Variants in SLC4A3 observed in about 807,000 individuals in gnomAD.
The protein encoded by SLC4A3 is solute carrier family 4 member 3.
In SLC4A3, 47 loss-of-function variants were observed where a neutral mutation model predicts 114.2. That is an observed-to-expected ratio of 0.41 (90% CI 0.33 to 0.52). The LOEUF is 0.52. Ranked by LOEUF, SLC4A3 falls within the 20% of genes least tolerant of loss-of-function variation. The pLI is 0.21. For synonymous variants in SLC4A3, 693 were observed against 710.3 expected (o/e 0.98, Z 0.39); for missense variants, 1,312 against 1,668.3 (o/e 0.79, Z 3.72).
At position 219,628,402 on chromosome 2, in the gene SLC4A3, C is replaced by T; in HGVS notation, c.52-3C>T. The T allele has an allele frequency of 6.2e-7, 1 of 1,607,802 alleles. No individual in the cohort carries two copies. Among genetic ancestry groups the T allele is most frequent in the Non-Finnish European group, 8.5e-7 (1 of 1,177,714 alleles). Reference sequence around the variant, plus strand: ...CCTTAGCAGAGGCCGTCTGGGCCTGCAGGTCCGGGTGCCCTTGGAGGAGCC... The same window carrying T: ...CCTTAGCAGAGGCCGTCTGGGCCTGTAGGTCCGGGTGCCCTTGGAGGAGCC... On this transcript the variant is annotated splice_polypyrimidine_tract_variant and splice_region_variant and intron_variant, in intron 2 of 22. Coordinates refer to ENST00000358055, the MANE Select transcript of SLC4A3 (RefSeq NM_005070.4). This position sits in a 1 kb window ranked among gnomAD's most constrained non-coding sequence, Gnocchi z 4.8.
chr2:219,630,195 G>A lies in SLC4A3; in HGVS notation c.654G>A (p.Glu218=). Residue 218 remains glutamate, a synonymous_variant, in exon 6 of 23, where the codon GAG becomes GAA. Transcript: ENST00000358055. This position sits in a 1 kb window ranked among gnomAD's most constrained non-coding sequence, Gnocchi z 6.9. ...CCCGGGCCTCCCGACTCGCTGGGGA[G>A]AAAAGCCGGCCCTGGAGCCCATCGG... ...PRARASRLAG[E]KSRPWSPSAS... 1 of 1,612,828 alleles carries A rather than the reference G, an allele frequency of 6.2e-7. No individual in the cohort carries two copies. The highest frequency in any genetic ancestry group is 8.5e-7 in the Non-Finnish European group (1 of 1,179,630).
chr2:219,630,282 A>G lies in SLC4A3; in HGVS notation c.741A>G (p.Pro247=), dbSNP rs774375857. 3 of 1,613,410 alleles carry G rather than the reference A, an allele frequency of 1.9e-6. No homozygotes were observed. Among genetic ancestry groups the G allele is most frequent in the African/African-American group, 1.3e-5 (1 of 75,046 alleles). Reference sequence around the variant, plus strand: ...GTGCCCTGGGCAACCCAGGTGGTCCAGAGCAGCAGGTGCCCACAGATGAGG... The same window carrying G: ...GTGCCCTGGGCAACCCAGGTGGTCCGGAGCAGCAGGTGCCCACAGATGAGG... ...PGSALGNPGG[P]EQQVPTDEAE... Residue 247 remains proline (P), a synonymous_variant, in exon 6 of 23, where the codon CCA becomes CCG. Transcript: ENST00000358055. The surrounding 1 kb of genome is among the most constrained non-coding windows in gnomAD (Gnocchi z 6.9).
chr2:219,635,252 G>A lies in SLC4A3; in HGVS notation c.1747-19G>A. 1 of 1,607,716 alleles carries A rather than the reference G, an allele frequency of 6.2e-7. No individual in the cohort carries two copies. Among genetic ancestry groups the A allele is most frequent in the African/African-American group, 1.3e-5 (1 of 74,912 alleles). On this transcript the variant is annotated intron_variant, in intron 12 of 22. Transcript: ENST00000358055. ...CCCTTGGCTGTCCCTGAGGGTCCTGGCCCTCTCATTGCCCCCAGCTGTTTC... is the reference window on the plus strand; with the variant it reads ...CCCTTGGCTGTCCCTGAGGGTCCTGACCCTCTCATTGCCCCCAGCTGTTTC...
Position 219,639,605 on chromosome 2 carries a change from C to T in SLC4A3, c.3147C>T (p.Ala1049=). The T allele has an allele frequency of 6.2e-7, 1 of 1,614,050 alleles. No individual in the cohort carries two copies. The highest frequency in any genetic ancestry group is 8.5e-7 in the Non-Finnish European group (1 of 1,180,028). ...TTGGGTTGCCCTGGCTCACGGCTGC[C>T]ACGGTCCGCTCCGTCACCCATGTCA... ...GLFGLPWLTA[A]TVRSVTHVNA... Residue 1049 remains alanine, a synonymous_variant, in exon 20 of 23, where the codon GCC becomes GCT. Coordinates refer to ENST00000358055, the MANE Select transcript of SLC4A3 (RefSeq NM_005070.4). The surrounding 1 kb of genome is among the most constrained non-coding windows in gnomAD (Gnocchi z 5.9).
intron 11 of SLC4A3, 119 bp downstream of exon 11, chr2:219,634,098 C>A: frequency 1.7e-6 from 2 of 1,196,186 alleles, no homozygotes; most frequent in Admixed American, 3.0e-5. Flanking sequence ...AGGCTCCCAC[C>A]TGGTCCCTGC....
chr2:219,629,738 C>G (rs1698851190), intron 5 of SLC4A3, 43 bp downstream of exon 5: 5 of 1,393,814 alleles, frequency 3.6e-6, no homozygotes, highest in Non-Finnish European at 4.0e-6. Context: ...AGCCCAGAGC[C>G]ACAGGGTCCA....
chr2:219,637,679 C>G lies in SLC4A3; in HGVS notation c.2634C>G (p.Pro878=). The G allele has an allele frequency of 2.5e-6, 4 of 1,611,362 alleles. No homozygotes were observed. Among genetic ancestry groups the G allele is most frequent in the Non-Finnish European group, 3.4e-6 (4 of 1,177,542 alleles). ...TGGAGCCAAATGGCAGTGCCCTGCC[C>G]CCCACCGAGGGCCCCCCCAGCCCGA... ...AGLEPNGSAL[P]PTEGPPSPRN... The change falls in exon 17 of 23, where the codon CCC becomes CCG. Residue 878 remains proline, a synonymous_variant. Coordinates refer to ENST00000358055, the MANE Select transcript of SLC4A3 (RefSeq NM_005070.4). This position sits in a 1 kb window ranked among gnomAD's most constrained non-coding sequence, Gnocchi z 4.6.
In SLC4A3 at chr2:219,630,139, T is replaced by C. The variant is rs369847071; in HGVS notation, c.612-14T>C. ...GGCCCTGTCAAGTCCAAGGCTGCTG[T>C]GTTGCCTCCCCAGCTCCCCCAGCCC... On this transcript the variant is annotated splice_polypyrimidine_tract_variant and intron_variant, in intron 5 of 22. Coordinates refer to ENST00000358055, the MANE Select transcript of SLC4A3 (RefSeq NM_005070.4). The surrounding 1 kb of genome is among the most constrained non-coding windows in gnomAD (Gnocchi z 6.9). 1 of 1,612,752 alleles carries C rather than the reference T, an allele frequency of 6.2e-7. No homozygotes were observed. Among genetic ancestry groups the C allele is most frequent in the East Asian group, 2.2e-5 (1 of 44,832 alleles).
In SLC4A3 at chr2:219,633,018, G is replaced by A. The variant is rs762056875; in HGVS notation, c.1277+9G>A. On this transcript the variant is annotated intron_variant, in intron 9 of 22. Transcript: ENST00000358055. The stretch of plus-strand genomic sequence containing the variant: ...CTGCTACTGAAGCACAGGTGCCGGG[G>A]TGGGTCCCTGGGAGGGGCCTGTCCA... 15 of 1,613,768 alleles carry A rather than the reference G, an allele frequency of 9.3e-6. No homozygotes were observed. In the East Asian group the frequency reaches 2.7e-4, roughly 29 times the overall value.
At chr2:219,629,464 G>A (rs758754466) in intron 4 of SLC4A3, 43 bp downstream of exon 4, 1 of 1,603,978 alleles carries the variant, frequency 6.2e-7, no homozygotes, top group Non-Finnish European at 8.5e-7. Flanking sequence ...AGGGGTCAGG[G>A]AGGGGTACAG....
rs1289912150 is a variant in SLC4A3 at position 219,628,626 on chromosome 2, C to T, written c.217+56C>T. ...GCCCTCGCCACCATCACCTTCATCGCCACCATCACCGCGCTCACCTCCGGC... is the reference window on the plus strand; with the variant it reads ...GCCCTCGCCACCATCACCTTCATCGTCACCATCACCGCGCTCACCTCCGGC... On this transcript the variant is annotated intron_variant, in intron 3 of 22. Coordinates refer to ENST00000358055, the MANE Select transcript of SLC4A3 (RefSeq NM_005070.4). This position sits in a 1 kb window ranked among gnomAD's most constrained non-coding sequence, Gnocchi z 4.8. The T allele has an allele frequency of 1.9e-6, 3 of 1,562,570 alleles. No homozygotes were observed. The highest frequency in any genetic ancestry group is 1.1e-5 in the South Asian group (1 of 88,996).
At position 219,640,832 on chromosome 2, in the gene SLC4A3, G is replaced by C. The variant is rs1170724069; in HGVS notation, c.3491G>C (p.Gly1164Ala). 1.9e-6 allele frequency: 3 copies of C among 1,612,568 alleles called. No individual in the cohort carries two copies. The Admixed American group carries it at 5.0e-5, about 27-fold the overall frequency. Residue 1164 changes from glycine to alanine, a missense_variant, in exon 22 of 23, where the codon GGC becomes GCC. Physicochemically the swap from Gly to Ala is moderately conservative, Grantham distance 60. This residue lies in a region of SLC4A3 where 301 missense variants were observed against 460.7 expected (regional missense o/e 0.65). Transcript: ENST00000358055. ...RMHLFTCIQL[G>A]CIALLWVVKS... is the part of the protein sequence containing the mutation. The stretch of plus-strand genomic sequence containing the variant: ...CATCTGTTCACCTGCATCCAGCTGG[G>C]CTGCATCGCACTGCTCTGGGTGGTC...
chr2:219,640,306 C>T (rs1304076231), intron 20 of SLC4A3, 124 bp from the exon 21 acceptor site: 2 of 1,101,440 alleles, frequency 1.8e-6, no homozygotes, highest in Non-Finnish European at 2.6e-6. Context: ...TCGCCTCCCC[C>T]CAGGCCTCTC....
chr2:219,633,460 C>T lies in SLC4A3; in HGVS notation c.1461+3C>T. ...CACATGACCCTGACGCCAAGGAGGTCAGTGCCCTTGCTTTGGCTTGGGCCA... is the reference window on the plus strand; with the variant it reads ...CACATGACCCTGACGCCAAGGAGGTTAGTGCCCTTGCTTTGGCTTGGGCCA... On this transcript the variant is annotated splice_donor_region_variant and intron_variant, in intron 10 of 22. Coordinates refer to ENST00000358055, the MANE Select transcript of SLC4A3 (RefSeq NM_005070.4). 1 of 1,528,086 alleles carries T rather than the reference C, an allele frequency of 6.5e-7. No homozygotes were observed. Among genetic ancestry groups the T allele is most frequent in the Non-Finnish European group, 8.8e-7 (1 of 1,137,868 alleles). 94.7% of individuals were successfully genotyped at this position (1,528,086 alleles called of 1,614,324 possible). A position where few individuals can be genotyped will look rare whatever the true frequency, so the allele number is the denominator to read the frequency against.
chr2:219,641,809 T>TG lies in SLC4A3; in HGVS notation c.*87dup. The TG allele has an allele frequency of 2.5e-6, 3 of 1,201,812 alleles. No individual in the cohort carries two copies. Among genetic ancestry groups the TG allele is most frequent in the East Asian group, 4.7e-5 (2 of 42,694 alleles). 74.4% of individuals were successfully genotyped at this position (1,201,812 alleles called of 1,614,324 possible). The stretch of plus-strand genomic sequence containing the variant: ...CCTCAGGCAGAGCCCAGCCCTGGGC[T>TG]GGGGGGCTCCTCAGGACCCAGAGAT... On this transcript the variant is annotated 3_prime_UTR_variant, in exon 23 of 23. Coordinates refer to ENST00000358055, the MANE Select transcript of SLC4A3 (RefSeq NM_005070.4). This position sits in a 1 kb window ranked among gnomAD's most constrained non-coding sequence, Gnocchi z 4.0.
chr2:219,630,086 T>G lies in SLC4A3; in HGVS notation c.612-67T>G, dbSNP rs1345197079. 4 of 1,588,824 alleles carry G rather than the reference T, an allele frequency of 2.5e-6. No individual in the cohort carries two copies. In the Admixed American group the frequency reaches 6.8e-5, roughly 27 times the overall value. On this transcript the variant is annotated intron_variant, in intron 5 of 22. Transcript: ENST00000358055. The surrounding 1 kb of genome is among the most constrained non-coding windows in gnomAD (Gnocchi z 6.9). ...GTCTACTCCAGGCCGTGCTCTGAGC[T>G]GAGGGACGGTGATGGAACCACCGAC...
Position 219,640,607 on chromosome 2 carries a change from C to T in SLC4A3, c.3447+8C>T, listed in dbSNP as rs375940411. 31 of 1,612,830 alleles carry T rather than the reference C, an allele frequency of 1.9e-5. No homozygotes were observed. Among genetic ancestry groups the T allele is most frequent in the East Asian group, 4.5e-5 (2 of 44,896 alleles). ...CAGCCCTATGTGACCAAGGTAGGGC[C>T]GGGAAGCATGGGGGTAGGGCAGTGG... On this transcript the variant is annotated splice_region_variant and intron_variant, in intron 21 of 22. Coordinates refer to ENST00000358055, the MANE Select transcript of SLC4A3 (RefSeq NM_005070.4).
At position 219,638,912 on chromosome 2, in the gene SLC4A3, C is replaced by A. The variant is rs753339365; in HGVS notation, c.3023+43C>A. 1 of 1,588,224 alleles carries A rather than the reference C, an allele frequency of 6.3e-7. No homozygotes were observed. The highest frequency in any genetic ancestry group is 8.6e-7 in the Non-Finnish European group (1 of 1,166,084). On this transcript the variant is annotated intron_variant, in intron 19 of 22. Coordinates refer to ENST00000358055, the MANE Select transcript of SLC4A3 (RefSeq NM_005070.4). The surrounding 1 kb of genome is among the most constrained non-coding windows in gnomAD (Gnocchi z 7.5). Reference sequence around the variant, plus strand: ...AGGAGGTGGGAGGGACGAGGCCAAGCTCCTTGGCTCCTTGGCTTGGTTTCA... The same window carrying A: ...AGGAGGTGGGAGGGACGAGGCCAAGATCCTTGGCTCCTTGGCTTGGTTTCA...
chr2:219,632,517 A>T, intron 8 of SLC4A3, 75 bp downstream of exon 8: 2 of 1,442,792 alleles, frequency 1.4e-6, no homozygotes, highest in Non-Finnish European at 1.9e-6. Flanking sequence ...TCCCAGGAAC[A>T]CTCTCTAGAG....
Sources: gnomAD v4.1 joint callset for allele counts on GRCh38, gnomAD v4.1.1 for gene constraint, gnomAD v4.1.1 regional missense constraint, Gnocchi (gnomAD v3.1) non-coding constraint, MANE v1.5 for transcripts, NCBI Gene and HGNC (gene_info 2026-07-23, HGNC 2026-07-21) for gene names.